MAP2K1: variants seen among roughly 807,000 people sequenced by gnomAD.
MAP2K1 encodes dual specificity mitogen-activated protein kinase kinase 1.
MAP2K1 carries 16 observed loss-of-function variants against 46.3 expected under a neutral mutation model. That is an observed-to-expected ratio of 0.35 (90% CI 0.23 to 0.52). The LOEUF (loss-of-function observed/expected upper bound fraction) is 0.52, where lower values mean the gene tolerates loss of function less well. Ranked by LOEUF, MAP2K1 falls within the 20% of genes least tolerant of loss-of-function variation. The pLI is 0.94. For missense variants in MAP2K1, 263 were observed against 497.1 expected (o/e 0.53, Z 4.48); for synonymous variants, 183 against 185.6 (o/e 0.99, Z 0.11).
chr15:66,436,925 G>T (rs535697992), intron 3 of MAP2K1, 33 bp downstream of exon 3: 1 of 1,612,816 alleles, frequency 6.2e-7, no homozygotes, highest in South Asian at 1.1e-5. Context: ...CTGGAGCAAT[G>T]GCCTTAAGAG....
chr15:66,428,546 A>G (rs991920095), intron 1 of MAP2K1, among the ~76,000 whole-genome samples: 1 of 152,064 alleles, frequency 6.6e-6, no homozygotes, highest in Admixed American at 6.6e-5. Flanking sequence ...GCCCATTCAC[A>G]TTATGGAGAG....
chr15:66,449,740 G>A (rs1287438140), intron 5 of MAP2K1, among the ~76,000 whole-genome samples: 1 of 152,114 alleles, frequency 6.6e-6, no homozygotes, highest in Non-Finnish European at 1.5e-5. Flanking sequence ...ATTAAGCCGG[G>A]TGTGGTGGTG....
At chr15:66,388,296 G>A (rs1025147140) in intron 1 of MAP2K1, among the ~76,000 whole-genome samples, 6 of 152,158 alleles carry the variant, frequency 3.9e-5, no homozygotes, top group African/African-American at 1.4e-4. Flanking sequence ...TTCTAGGTAA[G>A]GGACAAGACT....
chr15:66,490,240 G>A, intron 10 of MAP2K1: 1 of 607,948 alleles, frequency 1.6e-6, no homozygotes, highest in Non-Finnish European at 3.0e-6. Flanking sequence ...AGCCTGTGAG[G>A]CATTTAAGGC....
chr15:66,392,630 C>T (rs1040745873), intron 1 of MAP2K1, among the ~76,000 whole-genome samples: 20 of 150,826 alleles, frequency 1.3e-4, no homozygotes, highest in South Asian at 2.1e-4. Flanking sequence ...CTCGGCTCAC[C>T]GCAACCTCCG....
intron 5 of MAP2K1, among the ~76,000 whole-genome samples, chr15:66,463,057 A>G (rs1240717287): frequency 6.6e-6 from 1 of 152,188 alleles, no homozygotes; most frequent in Non-Finnish European, 1.5e-5. Context: ...CACAGCCCAG[A>G]TTCAACCTGA....
chr15:66,393,956 G>A (rs997759406), intron 1 of MAP2K1, among the ~76,000 whole-genome samples: 2 of 152,012 alleles, frequency 1.3e-5, no homozygotes, highest in African/African-American at 4.8e-5. Context: ...TCTTTGTAGC[G>A]CTGATCACTA....
chr15:66,479,909 T>C lies in MAP2K1; in HGVS notation c.569-1846T>C, dbSNP rs563592488. Among the ~76,000 whole-genome samples, 30 of 151,960 alleles carry C rather than the reference T, an allele frequency of 2.0e-4. No individual in the cohort carries two copies. The East Asian group carries it at 5.6e-3, about 28-fold the overall frequency. On this transcript the variant is annotated intron_variant, in intron 5 of 10. Coordinates refer to ENST00000307102, the MANE Select transcript of MAP2K1 (RefSeq NM_002755.4). ...GATTTTTTTTTATTATTTTTATTTTTATTTATTTTTTTGAGGCAGAGTTTC... is the reference window on the plus strand; with the variant it reads ...GATTTTTTTTTATTATTTTTATTTTCATTTATTTTTTTGAGGCAGAGTTTC...
rs895540023 is a variant in MAP2K1, at chr15:66,387,144, C to T, written c.-204C>T. 2 of 413,270 alleles carry T rather than the reference C, an allele frequency of 4.8e-6. No homozygotes were observed. Among genetic ancestry groups the T allele is most frequent in the African/African-American group, 2.2e-5 (1 of 45,798 alleles). The allele number at this position is 413,270 out of a possible 1,614,324, so 25.6% of individuals were successfully genotyped here. A position where few individuals can be genotyped will look rare whatever the true frequency, so the allele number is the denominator to read the frequency against. ...GGCTCTCTGCGCGCGAAGCCGAGTC[C>T]CGGGCGGGTGGGGCGGGGGTCCACT... On this transcript the variant is annotated 5_prime_UTR_variant, in exon 1 of 11. Coordinates refer to ENST00000307102, the MANE Select transcript of MAP2K1 (RefSeq NM_002755.4).
chr15:66,483,301 A>C (rs1370528698), intron 6 of MAP2K1, among the ~76,000 whole-genome samples: 5 of 148,938 alleles, frequency 3.4e-5, no homozygotes, highest in Admixed American at 6.7e-5. Flanking sequence ...CCACATCCCC[A>C]CCCCTCCCCT....
chr15:66,483,748 C>CTTTT (rs750947705), intron 6 of MAP2K1, among the ~76,000 whole-genome samples: 5,833 of 131,030 alleles, frequency 0.045, 338 homozygotes, highest in East Asian at 0.14. Flanking sequence ...CATACATTTT[C>CTTTT]TTTTTTTTTT....
chr15:66,436,097 T>C (rs919524930), intron 2 of MAP2K1, among the ~76,000 whole-genome samples: 2 of 152,180 alleles, frequency 1.3e-5, no homozygotes, highest in Non-Finnish European at 2.9e-5. Flanking sequence ...TGCTTCTGTC[T>C]TTTCAAACAG....
chr15:66,421,069 C>T (rs1049179907), intron 1 of MAP2K1, among the ~76,000 whole-genome samples: 7 of 132,094 alleles, frequency 5.3e-5, no homozygotes, highest in African/African-American at 2.1e-4. Flanking sequence ...CATACACACA[C>T]ACATATATAC....
At position 66,391,267 on chromosome 15, in the gene MAP2K1, C is replaced by G. The variant is rs61076219; in HGVS notation, c.80+3840C>G. ...GTTCTTAATATTTATCTCTCCTGTA[C>G]ACTATAAACTTTAAGCACAGCACTG... is the stretch of plus-strand genomic sequence containing the variant. On this transcript the variant is annotated intron_variant, in intron 1 of 10. Coordinates refer to ENST00000307102, the MANE Select transcript of MAP2K1 (RefSeq NM_002755.4). 6.7e-3 allele frequency among the ~76,000 whole-genome samples: 1,017 copies of G among 152,258 alleles called. 16 individuals are homozygous for G. Among genetic ancestry groups the G allele is most frequent in the African/African-American group, 0.023 (973 of 41,546 alleles).
At chr15:66,415,291 G>A (rs1000583163) in intron 1 of MAP2K1, 9 of 340,148 alleles carry the variant, frequency 2.6e-5, no homozygotes, top group African/African-American at 1.3e-4. Flanking sequence ...AACTATCAGG[G>A]CCCACTGTGA....
At position 66,387,255 on chromosome 15, in the gene MAP2K1, G is replaced by T; in HGVS notation, c.-93G>T. 8.9e-7 allele frequency: 1 copy of T among 1,129,342 alleles called. No homozygotes were observed. Among genetic ancestry groups the T allele is most frequent in the Non-Finnish European group, 1.3e-6 (1 of 776,452 alleles). 70.0% of individuals were successfully genotyped at this position (1,129,342 alleles called of 1,614,324 possible). ...GCCCCGGGGCCCGCGGCCCGGACTTGGTCCTGCGCAGCGGGCGCGGGGCAG... is the reference window on the plus strand; with the variant it reads ...GCCCCGGGGCCCGCGGCCCGGACTTTGTCCTGCGCAGCGGGCGCGGGGCAG... On this transcript the variant is annotated 5_prime_UTR_variant, in exon 1 of 11. Transcript: ENST00000307102.
chr15:66,398,585 C>G (rs1224168908), intron 1 of MAP2K1, among the ~76,000 whole-genome samples: 1 of 150,230 alleles, frequency 6.7e-6, no homozygotes, highest in Non-Finnish European at 1.5e-5. Context: ...TTGGGAGGTC[C>G]AAGCTGCAGT....
chr15:66,461,259 G>A (rs1892311802), intron 5 of MAP2K1, among the ~76,000 whole-genome samples: 1 of 152,106 alleles, frequency 6.6e-6, no homozygotes, highest in African/African-American at 2.4e-5. Context: ...CGAGGCTGAG[G>A]CAGGTGGATC....
At chr15:66,387,963 G>T (rs1391263821) in intron 1 of MAP2K1, among the ~76,000 whole-genome samples, 1 of 152,210 alleles carries the variant, frequency 6.6e-6, no homozygotes, top group Non-Finnish European at 1.5e-5. Flanking sequence ...TGTGGACTTC[G>T]TGGCTTTTCC....
Sources: gnomAD v4.1 joint callset for allele counts (sites outside exome capture counted in the v4.1 genomes callset) on GRCh38, gnomAD v4.1.1 for gene constraint, MANE v1.5 for transcripts, NCBI Gene and HGNC (gene_info 2026-07-23, HGNC 2026-07-21) for gene names.